Variants in ABLIM1 observed in about 807,000 individuals in gnomAD.
The protein encoded by ABLIM1 is actin binding LIM protein 1.
A neutral mutation model predicts 107.0 loss-of-function variants in ABLIM1; 40 were observed. That is an observed-to-expected ratio of 0.37 (90% CI 0.29 to 0.49). The LOEUF (loss-of-function observed/expected upper bound fraction) is 0.49. Among genes scored for constraint, ABLIM1 ranks in the 20% least tolerant of loss-of-function variants. ABLIM1 has a pLI of 0.97. For synonymous variants in ABLIM1, 357 were observed against 357.3 expected, an observed-to-expected ratio of 1.00 and a Z score of 0.01; for missense variants, 857 against 1,008.5, an observed-to-expected ratio of 0.85 and a Z score of 2.04.
intron 11 of ABLIM1, 91 bp downstream of exon 11, chr10:114,468,090 T>A: frequency 8.5e-7 from 1 of 1,182,072 alleles, no homozygotes; most frequent in Non-Finnish European, 1.3e-6. Context: ...CTTTTGTATG[T>A]TATGTTCTTT....
chr10:114,453,303 T>G, intron 13 of ABLIM1, 76 bp downstream of exon 13: 90 of 1,458,958 alleles, frequency 6.2e-5, no homozygotes, highest in Non-Finnish European at 8.1e-5. Context: ...GCATGAGAGA[T>G]GAGACAAGAC....
the ABLIM1 span, among the ~76,000 whole-genome samples, chr10:114,787,309 G>A: frequency 2.0e-5 from 3 of 150,690 alleles, no homozygotes; most frequent in East Asian, 2.0e-4. Context: ...CAGCCGCCCC[G>A]TCTGAGAAGT....
the ABLIM1 span, among the ~76,000 whole-genome samples, chr10:114,793,091 G>A: frequency 6.6e-6 from 1 of 152,330 alleles, no homozygotes; most frequent in East Asian, 1.9e-4. Context: ...GGCAGAGGTT[G>A]CAGTAAGCCG....
At chr10:114,782,894 C>T in the ABLIM1 span, among the ~76,000 whole-genome samples, 1 of 152,044 alleles carries the variant, frequency 6.6e-6, no homozygotes, top group South Asian at 2.1e-4. Context: ...TAGGGAAGAA[C>T]CATGGATGAT....
chr10:114,688,895 A>G (rs2081006899), upstream of ABLIM1, among the ~76,000 whole-genome samples: 1 of 152,212 alleles, frequency 6.6e-6, no homozygotes, highest in Non-Finnish European at 1.5e-5. Flanking sequence ...GCGTATACCC[A>G]AAGGCTGTTT....
At chr10:114,547,534 G>A in intron 5 of ABLIM1, 116 bp downstream of exon 5, 1 of 1,357,396 alleles carries the variant, frequency 7.4e-7, no homozygotes, top group South Asian at 1.4e-5. Flanking sequence ...TATGATGGCA[G>A]GATGTGAACA....
At chr10:114,766,630 C>T (rs2082901173) in intron 1 of ABLIM1, among the ~76,000 whole-genome samples, 1 of 152,120 alleles carries the variant, frequency 6.6e-6, no homozygotes, top group South Asian at 2.1e-4. Context: ...GTGCAAGGTT[C>T]TGCACTAACA....
intron 1 of ABLIM1, among the ~76,000 whole-genome samples, chr10:114,710,341 G>A (rs957751275): frequency 6.6e-6 from 1 of 152,170 alleles, no homozygotes; most frequent in Non-Finnish European, 1.5e-5. Context: ...CAGTTCGATA[G>A]GGCTAGGGAA....
intron 4 of ABLIM1, among the ~76,000 whole-genome samples, chr10:114,560,785 T>G (rs527970503): frequency 6.6e-6 from 1 of 152,308 alleles, no homozygotes; most frequent in South Asian, 2.1e-4. Flanking sequence ...CACAAAAGGC[T>G]AATAGTGTAT....
intron 1 of ABLIM1, among the ~76,000 whole-genome samples, chr10:114,709,554 A>G (rs1270792821): frequency 6.6e-6 from 1 of 152,236 alleles, no homozygotes; most frequent in African/African-American, 2.4e-5. Context: ...AGCAGTGAGT[A>G]CATTTGTGTA....
intron 6 of ABLIM1, among the ~76,000 whole-genome samples, chr10:114,519,823 T>C (rs2063465145): frequency 6.6e-6 from 1 of 152,130 alleles, no homozygotes; most frequent in African/African-American, 2.4e-5. Flanking sequence ...TTGACATCCA[T>C]AAATAACCTG....
At chr10:114,616,826 C>T (rs1253712702) in intron 1 of ABLIM1, among the ~76,000 whole-genome samples, 2 of 152,194 alleles carry the variant, frequency 1.3e-5, no homozygotes, top group Non-Finnish European at 2.9e-5. Flanking sequence ...CAATGGGTGA[C>T]CAGGCGTTGT....
At chr10:114,542,116 CT>C (rs2066738709) in intron 6 of ABLIM1, among the ~76,000 whole-genome samples, 1 of 152,108 alleles carries the variant, frequency 6.6e-6, no homozygotes, top group Admixed American at 6.6e-5. Flanking sequence ...TCTATTGTTT[CT>C]TTTTATGAGG....
At chr10:114,654,081 C>G (rs949615270) in intron 1 of ABLIM1, among the ~76,000 whole-genome samples, 2 of 152,200 alleles carry the variant, frequency 1.3e-5, no homozygotes, top group Admixed American at 1.3e-4. Flanking sequence ...CTGCCAGGAG[C>G]TGCTCCTGAA....
intron 1 of ABLIM1, among the ~76,000 whole-genome samples, chr10:114,698,630 A>G (rs2081244431): frequency 6.6e-6 from 1 of 152,212 alleles, no homozygotes; most frequent in Non-Finnish European, 1.5e-5. Flanking sequence ...GTGTAATTTT[A>G]GAACTCTGAA....
chr10:114,465,976 AT>A, intron 11 of ABLIM1, 149 bp from the exon 12 acceptor site: 2 of 933,400 alleles, frequency 2.1e-6, no homozygotes, highest in Non-Finnish European at 3.1e-6. Flanking sequence ...TTTTGCAGGT[AT>A]TTTATATGCA....
chr10:114,462,928 A>T, intron 12 of ABLIM1: 1 of 1,144,684 alleles, frequency 8.7e-7, no homozygotes, highest in Non-Finnish European at 1.2e-6. Flanking sequence ...ACACGCAGGC[A>T]TGCTGAGAGC....
intron 1 of ABLIM1, among the ~76,000 whole-genome samples, chr10:114,680,098 T>C (rs1326143488): frequency 6.6e-6 from 1 of 152,188 alleles, no homozygotes; most frequent in Non-Finnish European, 1.5e-5. Flanking sequence ...CTTGGATTCA[T>C]AGCACTGTTC....
intron 2 of ABLIM1, among the ~76,000 whole-genome samples, chr10:114,594,405 T>C (rs752403161): frequency 5.3e-5 from 8 of 152,322 alleles, no homozygotes; most frequent in South Asian, 4.1e-4. Flanking sequence ...TTGGAAGACA[T>C]ACATTATAGT....
Sources: allele counts gnomAD v4.1 joint callset (sites outside exome capture counted in the v4.1 genomes callset), GRCh38; gene constraint gnomAD v4.1.1; transcripts MANE v1.5; gene names NCBI Gene and HGNC (gene_info 2026-07-23, HGNC 2026-07-21).